GHR: variants seen among roughly 807,000 people sequenced by gnomAD.
GHR encodes the protein GH receptor.
GHR carries 35 observed loss-of-function variants against 67.1 expected under a neutral mutation model. That is an observed-to-expected ratio of 0.52 (90% CI 0.40 to 0.69). GHR has a LOEUF of 0.69. Among genes scored for constraint, GHR ranks in the 30% least tolerant of loss-of-function variants. The probability of loss-of-function intolerance (pLI) is 0.00; values close to 1 mark genes in which losing one functional copy is unlikely to be tolerated. For synonymous variants in GHR, 272 were observed against 269.1 expected (o/e 1.01, Z -0.10); for missense variants, 792 against 764.6 (o/e 1.04, Z -0.42).
chr5:42,708,975 A>C (rs1396497965), intron 6 of GHR, among the ~76,000 whole-genome samples: 2 of 152,206 alleles, frequency 1.3e-5, no homozygotes, highest in Non-Finnish European at 2.9e-5. Flanking sequence ...TATATATAAT[A>C]ATTTATTTAT....
intron 2 of GHR, among the ~76,000 whole-genome samples, chr5:42,592,183 C>T (rs72754941): frequency 0.16 from 24,382 of 152,206 alleles, 2,204 homozygotes; most frequent in Middle Eastern, 0.27. Flanking sequence ...TCACATGCTG[C>T]TCTTTGTGCC....
intron 3 of GHR, among the ~76,000 whole-genome samples, chr5:42,664,717 T>C (rs563045079): frequency 8.1e-4 from 123 of 152,220 alleles, no homozygotes; most frequent in African/African-American, 2.9e-3. Flanking sequence ...CCAAAAGCAA[T>C]GGCAACAAAA....
chr5:42,659,625 T>C (rs1755459169), intron 3 of GHR, among the ~76,000 whole-genome samples: 1 of 152,176 alleles, frequency 6.6e-6, no homozygotes, highest in Middle Eastern at 3.4e-3. Flanking sequence ...TTAAAAAAGT[T>C]CTCTTCGATG....
intron 1 of GHR, among the ~76,000 whole-genome samples, chr5:42,445,136 G>A (rs1743751520): frequency 6.6e-6 from 1 of 152,168 alleles, no homozygotes; most frequent in African/African-American, 2.4e-5. Context: ...AATTTTTTGT[G>A]TGTTCTCTAT....
chr5:42,424,979 C>T lies in GHR; in HGVS notation c.-12+1024C>T. On this transcript the variant is annotated intron_variant, in intron 1 of 9. Transcript: ENST00000230882. This position sits in a 1 kb window ranked among gnomAD's most constrained non-coding sequence, Gnocchi z 4.1. ...AGTAGGGTGTGCAGGGTGGAAGAGG[C>T]CACAGAGGTGCCGCCTGTCTGTTTG... The T allele has an allele frequency of 1.0e-6, 1 of 984,772 alleles. No individual in the cohort carries two copies. 61.0% of individuals were successfully genotyped at this position (984,772 alleles called of 1,614,324 possible).
At chr5:42,652,005 T>C (rs1190814448) in intron 3 of GHR, among the ~76,000 whole-genome samples, 2 of 152,180 alleles carry the variant, frequency 1.3e-5, no homozygotes, top group African/African-American at 2.4e-5. Context: ...ATTGATATGC[T>C]GCTCCATGGA....
chr5:42,642,799 T>C (rs568607304), intron 3 of GHR, among the ~76,000 whole-genome samples: 138 of 152,290 alleles, frequency 9.1e-4, no homozygotes, highest in Non-Finnish European at 1.6e-3. Flanking sequence ...GATTGGTTCC[T>C]TCTGGAGGCT....
At chr5:42,684,644 A>G (rs989745649) in intron 3 of GHR, among the ~76,000 whole-genome samples, 3 of 152,188 alleles carry the variant, frequency 2.0e-5, no homozygotes, top group Non-Finnish European at 4.4e-5. Context: ...GTTGGTAAAC[A>G]CTGACCACAT....
intron 1 of GHR, among the ~76,000 whole-genome samples, chr5:42,486,475 G>A (rs1027274019): frequency 4.6e-5 from 7 of 152,244 alleles, no homozygotes; most frequent in South Asian, 2.1e-4. Flanking sequence ...AAGAATGGTC[G>A]ACAATTTCAG....
At chr5:42,587,544 C>T (rs1324337112) in intron 2 of GHR, among the ~76,000 whole-genome samples, 1 of 152,172 alleles carries the variant, frequency 6.6e-6, no homozygotes, top group Non-Finnish European at 1.5e-5. Context: ...GTCTAAACTC[C>T]ACCTCCTTCT....
intron 2 of GHR, among the ~76,000 whole-genome samples, chr5:42,574,497 G>A (rs1750531769): frequency 6.6e-6 from 1 of 152,206 alleles, no homozygotes. Context: ...ATGAGAAATA[G>A]AAGGAAGTAA....
chr5:42,440,228 C>T (rs1161940692), intron 1 of GHR, among the ~76,000 whole-genome samples: 7 of 152,048 alleles, frequency 4.6e-5, no homozygotes, highest in Non-Finnish European at 7.4e-5. Context: ...TAGTCTAGGA[C>T]GGAGAAAGGC....
At position 42,576,141 on chromosome 5, in the gene GHR, AAT is replaced by A. The variant is rs1211378367; in HGVS notation, c.70+10199_70+10200del. Among the ~76,000 whole-genome samples, 148 of 94,660 alleles carry A rather than the reference AAT, an allele frequency of 1.6e-3. 2 individuals carry two copies. The highest frequency in any genetic ancestry group is 6.7e-3 in the African/African-American group (145 of 21,716). 62.1% of individuals were successfully genotyped at this position (94,660 alleles called of 152,430 possible). On this transcript the variant is annotated intron_variant, in intron 2 of 9. Transcript: ENST00000230882. The stretch of plus-strand genomic sequence containing the variant: ...AATAAAATAAAATAAAATAAAATAA[AAT>A]AGTAAAGTAAAATAAAATAAAGGCA...
At chr5:42,677,961 T>C (rs774117973) in intron 3 of GHR, among the ~76,000 whole-genome samples, 4 of 152,172 alleles carry the variant, frequency 2.6e-5, no homozygotes, top group Non-Finnish European at 5.9e-5. Context: ...TAACAACAGT[T>C]AACAAATCAT....
intron 1 of GHR, chr5:42,467,716 TC>T: frequency 6.4e-7 from 1 of 1,569,978 alleles, no homozygotes; most frequent in Admixed American, 1.7e-5. Flanking sequence ...CTCATGACAT[TC>T]AAAAGGTTTC....
chr5:42,680,171 G>A (rs1234990503), intron 3 of GHR, among the ~76,000 whole-genome samples: 1 of 152,206 alleles, frequency 6.6e-6, no homozygotes, highest in Non-Finnish European at 1.5e-5. Context: ...ATTTGTGAAA[G>A]GAACATTATG....
At chr5:42,690,141 C>A (rs1331396757) in intron 4 of GHR, among the ~76,000 whole-genome samples, 3 of 152,228 alleles carry the variant, frequency 2.0e-5, no homozygotes, top group Non-Finnish European at 4.4e-5. Context: ...AGTGAGGACC[C>A]TTTATCCTTG....
rs557644549 is a variant in GHR, at chr5:42,668,335, G to A, written c.137-20555G>A. The stretch of plus-strand genomic sequence containing the variant: ...ATTTTAATTATTTGTTGGGAATAGG[G>A]CACTATTGACATTTTGGACTAGATC... On this transcript the variant is annotated intron_variant, in intron 3 of 9. Transcript: ENST00000230882. Among the ~76,000 whole-genome samples, 14 of 152,150 alleles carry A rather than the reference G, an allele frequency of 9.2e-5. No individual in the cohort carries two copies. The South Asian group carries it at 2.3e-3, about 25-fold the overall frequency.
At chr5:42,487,943 G>C (rs1324454925) in intron 1 of GHR, among the ~76,000 whole-genome samples, 1 of 152,138 alleles carries the variant, frequency 6.6e-6, no homozygotes, top group Non-Finnish European at 1.5e-5. Flanking sequence ...TTTCAGGCTT[G>C]TCTTGGTCAC....
Sources: gnomAD v4.1 joint callset for allele counts (sites outside exome capture counted in the v4.1 genomes callset) on GRCh38, gnomAD v4.1.1 for gene constraint, Gnocchi (gnomAD v3.1) non-coding constraint, MANE v1.5 for transcripts, NCBI Gene and HGNC (gene_info 2026-07-23, HGNC 2026-07-21) for gene names.